RGS6: variants seen among roughly 807,000 people sequenced by gnomAD.
RGS6 encodes the protein regulator of G protein signaling 6.
Under a neutral mutation model 78.5 loss-of-function variants are expected in RGS6, and 30 were observed. The observed-to-expected ratio is 0.38, with a 90% CI of 0.29 to 0.52. The LOEUF is 0.52. RGS6 is among the 20% of genes least tolerant of loss of function. The pLI is 0.85. For synonymous variants in RGS6, 206 were observed against 206.0 expected (o/e 1.00, Z 0.00); for missense variants, 495 against 609.7 (o/e 0.81, Z 1.98).
At chr14:72,578,115 C>G in the RGS6 span, among the ~76,000 whole-genome samples, 1 of 152,206 alleles carries the variant, frequency 6.6e-6, no homozygotes, top group African/African-American at 2.4e-5. Flanking sequence ...GCAAACAGCC[C>G]AATCTACCTG....
At chr14:72,387,429 G>C (rs1235304001) in intron 3 of RGS6, among the ~76,000 whole-genome samples, 1 of 152,116 alleles carries the variant, frequency 6.6e-6, no homozygotes, top group African/African-American at 2.4e-5. Flanking sequence ...GGCGCCTGTA[G>C]TCCCAGCTAC....
intron 3 of RGS6, among the ~76,000 whole-genome samples, chr14:72,441,176 G>A (rs1474011903): frequency 6.6e-6 from 1 of 152,132 alleles, no homozygotes; most frequent in African/African-American, 2.4e-5. Context: ...CTATTTGGGA[G>A]GTGAAGGAGG....
intron 2 of RGS6, among the ~76,000 whole-genome samples, chr14:72,052,016 A>G (rs2093278455): frequency 6.6e-6 from 1 of 152,190 alleles, no homozygotes. Flanking sequence ...GAGATCTGCT[A>G]GGTACCTGTG....
At chr14:72,477,665 C>T (rs903530545) in intron 11 of RGS6, among the ~76,000 whole-genome samples, 3 of 151,508 alleles carry the variant, frequency 2.0e-5, no homozygotes, top group Non-Finnish European at 2.9e-5. Context: ...GGCTTGGTGG[C>T]GTGTGACTAT....
chr14:72,472,810 A>G lies in RGS6; in HGVS notation c.537-62A>G, dbSNP rs559132114. On this transcript the variant is annotated intron_variant, in intron 8 of 17. Transcript: ENST00000553525. ...AGCAACAGGAGCAAACGCTGGAGCA[A>G]GTGTCAGAAGGGAAAACAGAATACA... The G allele has an allele frequency of 3.2e-4, 389 of 1,234,152 alleles. 1 individual carries two copies. Among genetic ancestry groups the G allele is most frequent in the Non-Finnish European group, 2.6e-4 (224 of 853,374 alleles). The allele number at this position is 1,234,152 out of a possible 1,614,324, so 76.5% of individuals were successfully genotyped here.
intron 6 of RGS6, among the ~76,000 whole-genome samples, chr14:72,461,799 A>T (rs1240797316): frequency 6.6e-6 from 1 of 152,158 alleles, no homozygotes; most frequent in Admixed American, 6.5e-5. Context: ...CCCAGGATCA[A>T]CCCGTTCCAC....
At chr14:72,364,551 C>T (rs2082111897) in intron 3 of RGS6, among the ~76,000 whole-genome samples, 1 of 152,236 alleles carries the variant, frequency 6.6e-6, no homozygotes, top group Non-Finnish European at 1.5e-5. Flanking sequence ...TTGGAGCTTC[C>T]ATTTCAACAG....
chr14:71,980,399 C>G (rs1334911077), intron 2 of RGS6, among the ~76,000 whole-genome samples: 1 of 151,162 alleles, frequency 6.6e-6, no homozygotes, highest in Non-Finnish European at 1.5e-5. Context: ...GCGGCTGGTA[C>G]CGGTTGTTCT....
At chr14:71,909,140 T>C in the RGS6 span, among the ~76,000 whole-genome samples, 4 of 152,230 alleles carry the variant, frequency 2.6e-5, no homozygotes, top group African/African-American at 7.2e-5. Flanking sequence ...GTTCCAAGTC[T>C]AAATCTAGCC....
intron 2 of RGS6, among the ~76,000 whole-genome samples, chr14:72,244,790 A>T (rs948862381): frequency 6.6e-6 from 1 of 151,328 alleles, no homozygotes; most frequent in Non-Finnish European, 1.5e-5. Context: ...TTGTCTGCAA[A>T]AGTCTTAAAA....
At chr14:71,964,345 A>C (rs761955810) in intron 1 of RGS6, among the ~76,000 whole-genome samples, 8 of 152,126 alleles carry the variant, frequency 5.3e-5, no homozygotes, top group Admixed American at 3.3e-4. Context: ...TGTCTCTACT[A>C]AAAATACAAA....
At chr14:72,518,582 C>A (rs1286835162) in intron 15 of RGS6, 45 bp downstream of exon 15, 3 of 1,556,078 alleles carry the variant, frequency 1.9e-6, no homozygotes, top group Non-Finnish European at 2.7e-6. Flanking sequence ...GTTCATTTGT[C>A]CCCTTCATTG....
intron 2 of RGS6, among the ~76,000 whole-genome samples, chr14:72,184,369 AACACACACAC>A (rs10638767): frequency 1.1e-3 from 157 of 141,362 alleles, no homozygotes; most frequent in South Asian, 1.7e-3. Flanking sequence ...TTTACTTTCA[AACACACACAC>A]ACACACACAC....
At chr14:72,153,577 A>G (rs1206648833) in intron 2 of RGS6, among the ~76,000 whole-genome samples, 1 of 152,198 alleles carries the variant, frequency 6.6e-6, no homozygotes, top group Non-Finnish European at 1.5e-5. Context: ...CAGCTGGCTG[A>G]GAAATAAAGA....
chr14:72,160,061 T>G (rs538816909), intron 2 of RGS6, among the ~76,000 whole-genome samples: 1 of 152,340 alleles, frequency 6.6e-6, no homozygotes, highest in South Asian at 2.1e-4. Context: ...AGCACCAGTA[T>G]CTACTTAACT....
intron 15 of RGS6, among the ~76,000 whole-genome samples, chr14:72,521,647 G>A (rs983325712): frequency 2.0e-5 from 3 of 152,182 alleles, no homozygotes; most frequent in Non-Finnish European, 4.4e-5. Context: ...CTCTTCCTAA[G>A]CCAATCCCTA....
At chr14:71,879,309 T>C in the RGS6 span, among the ~76,000 whole-genome samples, 1 of 152,246 alleles carries the variant, frequency 6.6e-6, no homozygotes, top group African/African-American at 2.4e-5. Context: ...AGTAGCAATA[T>C]AGAGAAATGG....
At chr14:72,053,089 C>T (rs1338165734) in intron 2 of RGS6, among the ~76,000 whole-genome samples, 1 of 45,698 alleles carries the variant, frequency 2.2e-5, no homozygotes, top group African/African-American at 9.4e-5. Flanking sequence ...CCCTTCCTTC[C>T]TTCCTTCCTT....
In RGS6 at chr14:72,129,374, A is replaced by G. The variant is rs139946271; in HGVS notation, c.84+164499A>G. Among the ~76,000 whole-genome samples the G allele has an allele frequency of 4.5e-3, 681 of 152,358 alleles. 5 individuals carry two copies. The highest frequency in any genetic ancestry group is 0.015 in the African/African-American group (634 of 41,580). On this transcript the variant is annotated intron_variant, in intron 2 of 17. Coordinates refer to ENST00000553525, the MANE Select transcript of RGS6 (RefSeq NM_001204424.2). The stretch of plus-strand genomic sequence containing the variant: ...GGTTCAATAAATATTTGTTTAATGA[A>G]TAAACAAATGGATGAACAAACTGAA...
Sources: gnomAD v4.1 joint callset for allele counts (sites outside exome capture counted in the v4.1 genomes callset) on GRCh38, gnomAD v4.1.1 for gene constraint, MANE v1.5 for transcripts, NCBI Gene and HGNC (gene_info 2026-07-23, HGNC 2026-07-21) for gene names.